The following RBFOX1 variants were observed in gnomAD, a reference collection of about 807,000 sequenced individuals.
RBFOX1 encodes RNA binding protein fox-1 homolog 1.
Under a neutral mutation model 57.7 loss-of-function variants are expected in RBFOX1, and 8 were observed. That is an observed-to-expected ratio of 0.14 (90% CI 0.08 to 0.25). The LOEUF (loss-of-function observed/expected upper bound fraction) is 0.25, where lower values mean the gene tolerates loss of function less well. RBFOX1 is among the 10% of genes least tolerant of loss of function. RBFOX1 has a pLI of 1.00. For missense variants in RBFOX1, 611 were observed against 548.5 expected, an observed-to-expected ratio of 1.11 and a Z score of -1.14; for synonymous variants, 326 against 222.4, an observed-to-expected ratio of 1.47 and a Z score of -4.15.
intron 1 of RBFOX1, among the ~76,000 whole-genome samples, chr16:5,403,165 A>G (rs527676580): frequency 1.1e-3 from 164 of 152,156 alleles, no homozygotes; most frequent in Non-Finnish European, 2.0e-3. Context: ...AGCCTGACCA[A>G]CATGGAGAAA....
At chr16:7,106,991 A>ACACACACACACACACC (rs1479471152) in intron 4 of RBFOX1, among the ~76,000 whole-genome samples, 1 of 151,416 alleles carries the variant, frequency 6.6e-6, no homozygotes, top group African/African-American at 2.4e-5. Flanking sequence ...TAAAACACAC[A>ACACACACACACACACC]CACACACACA....
chr16:6,492,681 A>C (rs55894950), intron 2 of RBFOX1, among the ~76,000 whole-genome samples: 49,936 of 152,138 alleles, frequency 0.33, 8,976 homozygotes, highest in Non-Finnish European at 0.41. Context: ...AGCTTGGTTC[A>C]CTGCCGCATT....
At chr16:7,409,243 C>G (rs1054925367) in intron 4 of RBFOX1, among the ~76,000 whole-genome samples, 3 of 152,158 alleles carry the variant, frequency 2.0e-5, no homozygotes, top group Admixed American at 6.5e-5. Context: ...CAGGCTGAGC[C>G]TAATGTCAAC....
chr16:5,284,011 TA>T, intron 1 of RBFOX1, among the ~76,000 whole-genome samples: 1 of 152,266 alleles, frequency 6.6e-6, no homozygotes, highest in Non-Finnish European at 1.5e-5. Flanking sequence ...TAGTGGGAAG[TA>T]ATTGAGTCAT....
intron 2 of RBFOX1, among the ~76,000 whole-genome samples, chr16:6,396,030 C>T (rs1414113622): frequency 1.5e-5 from 2 of 129,038 alleles, no homozygotes; most frequent in Non-Finnish European, 3.1e-5. Flanking sequence ...CGCACCAATG[C>T]ACTGCAGCCT....
chr16:5,641,067 C>T (rs533011093), intron 3 of RBFOX1, among the ~76,000 whole-genome samples: 1 of 148,332 alleles, frequency 6.7e-6, no homozygotes, highest in South Asian at 2.1e-4. Context: ...CACCCATGCA[C>T]ACCATACACA....
intron 5 of RBFOX1, among the ~76,000 whole-genome samples, chr16:7,523,782 C>G (rs3785270): frequency 0.041 from 6,279 of 152,280 alleles, 190 homozygotes; most frequent in East Asian, 0.12. Context: ...ATACTCATCT[C>G]TCTTTGGCCA....
At chr16:7,151,196 C>T (rs1467933414) in intron 4 of RBFOX1, among the ~76,000 whole-genome samples, 1 of 152,178 alleles carries the variant, frequency 6.6e-6, no homozygotes, top group Non-Finnish European at 1.5e-5. Context: ...AAAATCAGAT[C>T]TCACTGGGAA....
intron 4 of RBFOX1, among the ~76,000 whole-genome samples, chr16:7,076,872 C>T (rs2058390971): frequency 6.6e-6 from 1 of 152,236 alleles, no homozygotes; most frequent in Non-Finnish European, 1.5e-5. Context: ...GGTGTCACCT[C>T]TCTGGAGACC....
At chr16:6,301,839 G>A (rs2078856227) in intron 1 of RBFOX1, among the ~76,000 whole-genome samples, 1 of 152,108 alleles carries the variant, frequency 6.6e-6, no homozygotes, top group South Asian at 2.1e-4. Flanking sequence ...TTATATGCAA[G>A]CATTTCGTGA....
chr16:6,860,806 G>T (rs1299032161), intron 3 of RBFOX1, among the ~76,000 whole-genome samples: 1 of 152,146 alleles, frequency 6.6e-6, no homozygotes, highest in South Asian at 2.1e-4. Flanking sequence ...GAGACATACA[G>T]TATGACATCA....
intron 4 of RBFOX1, among the ~76,000 whole-genome samples, chr16:7,262,990 GT>G (rs1415964042): frequency 6.6e-6 from 1 of 152,296 alleles, no homozygotes; most frequent in East Asian, 1.9e-4. Context: ...GTGTTAGAGG[GT>G]GATAGGAAAG....
Position 6,701,041 on chromosome 16 carries a change from G to C in RBFOX1, c.-16+46391G>C, listed in dbSNP as rs112640033. Among the ~76,000 whole-genome samples, 1,338 of 152,188 alleles carry C rather than the reference G, an allele frequency of 8.8e-3. 31 individuals carry two copies. The highest frequency in any genetic ancestry group is 0.031 in the African/African-American group (1,273 of 41,506). On this transcript the variant is annotated intron_variant, in intron 3 of 15. Transcript: ENST00000550418. ...AGAGAGCAGAGTTGGGCAGAGGGGGGGGTGAGTCAGACTATGATGTGAGCC... is the reference window on the plus strand; with the variant it reads ...AGAGAGCAGAGTTGGGCAGAGGGGGCGGTGAGTCAGACTATGATGTGAGCC...
At position 5,458,573 on chromosome 16, in the gene RBFOX1, G is replaced by C. The variant is rs557815515; in HGVS notation, c.220-8643G>C. ...GGTGAAAACTGAGCCTCAAAGGTTAGGCAAGGCCTCACAGCCTAGACTGGG... is the reference window on the plus strand; with the variant it reads ...GGTGAAAACTGAGCCTCAAAGGTTACGCAAGGCCTCACAGCCTAGACTGGG... On this transcript the variant is annotated intron_variant, in intron 1 of 2. Transcript: ENST00000585867. Among the ~76,000 whole-genome samples the C allele has an allele frequency of 3.9e-5, 6 of 152,334 alleles. No individual in the cohort carries two copies. The East Asian group carries it at 1.2e-3, about 29-fold the overall frequency.
chr16:6,572,144 A>T (rs2097353522), intron 2 of RBFOX1, among the ~76,000 whole-genome samples: 1 of 152,162 alleles, frequency 6.6e-6, no homozygotes, highest in African/African-American at 2.4e-5. Context: ...TTGTCATCTC[A>T]TTCTTTTTAA....
At chr16:6,997,495 GTATC>G (rs2092366609) in intron 3 of RBFOX1, among the ~76,000 whole-genome samples, 2 of 152,086 alleles carry the variant, frequency 1.3e-5, no homozygotes, top group African/African-American at 2.4e-5. Flanking sequence ...ATTTTAATTT[GTATC>G]TTTTAATTGT....
At chr16:5,315,286 T>G (rs1449444550) in intron 1 of RBFOX1, among the ~76,000 whole-genome samples, 1 of 152,216 alleles carries the variant, frequency 6.6e-6, no homozygotes, top group Non-Finnish European at 1.5e-5. Context: ...GTGAAATGTC[T>G]TAAGTCAAAA....
At chr16:7,252,876 C>G (rs1221584069) in intron 4 of RBFOX1, among the ~76,000 whole-genome samples, 2 of 152,132 alleles carry the variant, frequency 1.3e-5, no homozygotes, top group South Asian at 2.1e-4. Flanking sequence ...CTCATATGAC[C>G]TACCCATATT....
chr16:6,214,419 A>G, intron 1 of RBFOX1, among the ~76,000 whole-genome samples: 1 of 131,676 alleles, frequency 7.6e-6, no homozygotes, highest in African/African-American at 2.9e-5. Flanking sequence ...GGGAGTGGGG[A>G]GAGGGAGAGA....
Sources: gnomAD v4.1 joint callset for allele counts (sites outside exome capture counted in the v4.1 genomes callset) on GRCh38, gnomAD v4.1.1 for gene constraint, MANE v1.5 for transcripts, NCBI Gene and HGNC (gene_info 2026-07-23, HGNC 2026-07-21) for gene names.